Variants in ZNF230 observed in about 807,000 individuals in gnomAD.
The protein encoded by ZNF230 is zinc finger protein 230.
ZNF230 carries 12 observed loss-of-function variants against 10.0 expected under a neutral mutation model. The ratio of observed to expected loss-of-function variants is 1.20; its 90% CI spans 0.77 to 1.95. The LOEUF (loss-of-function observed/expected upper bound fraction) is 1.95, where lower values mean the gene tolerates loss of function less well. Among genes scored for constraint, ZNF230 ranks in the 30% most tolerant of loss-of-function variants. The pLI, the probability that ZNF230 is intolerant of heterozygous loss-of-function variation, is 0.00. For synonymous variants in ZNF230, 174 were observed against 193.6 expected (o/e 0.90, Z 0.84); for missense variants, 532 against 565.8 (o/e 0.94, Z 0.61).
At chr19:44,004,732 AAAAAAAAAAAAAAG>A (rs1341413684) in intron 1 of ZNF230, 1 of 151,430 alleles carries the variant, frequency 6.6e-6, no homozygotes, top group Non-Finnish European at 1.5e-5. Context: ...ACTCAAAAAA[AAAAAAAAAAAAAAG>A]AATAAACTAG....
At position 44,011,362 on chromosome 19, in the gene ZNF230, C is replaced by A. The variant is rs12753; in HGVS notation, c.1323C>A (p.Asp441Glu). The A allele has an allele frequency of 0.16, 262,628 of 1,613,914 alleles. 22,642 individuals are homozygous for A. Among genetic ancestry groups the A allele is most frequent in the Admixed American group, 0.29 (17,135 of 60,010 alleles). ...HRSFCKDQQG[D>E]HNGENSSKCE... ...CTTTCTGTAAAGACCAACAAGGAGA[C>A]CACAATGGAGAAAACTCATCCAAAT... Residue 441 changes from aspartate (D) to glutamate (E), a missense_variant, in exon 5 of 5, where the codon GAC (aspartate) becomes GAA (glutamate). By Grantham distance (45) the Asp-to-Glu change is conservative (BLOSUM62 2). Transcript: ENST00000429154.
At chr19:44,009,235 C>T in intron 4 of ZNF230, 65 bp downstream of exon 4, 3 of 1,539,524 alleles carry the variant, frequency 1.9e-6, no homozygotes, top group Non-Finnish European at 2.7e-6. Context: ...TACTTCTGAC[C>T]ATGCCCACTT....
chr19:44,010,460 C>A lies in ZNF230; in HGVS notation c.421C>A (p.Gln141Lys). 1 of 1,614,228 alleles carries A rather than the reference C, an allele frequency of 6.2e-7. No individual in the cohort carries two copies. The highest frequency in any genetic ancestry group is 8.5e-7 in the Non-Finnish European group (1 of 1,180,036). Residue 141 changes from glutamine (Q) to lysine (K), a missense_variant, in exon 5 of 5, where the codon CAG becomes AAG. Physicochemically the swap from Gln to Lys is moderately conservative, Grantham distance 53. Coordinates refer to ENST00000429154, the MANE Select transcript of ZNF230 (RefSeq NM_006300.4). ...AATTCATACAGGACAGAAACCTTCA[C>A]AGAATGGGAAGTGTAAACAGTCCTT... Reference protein sequence around the residue: ...SIIHTGQKPSQNGKCKQSFSD... With the variant: ...SIIHTGQKPSKNGKCKQSFSD...
Position 44,010,873 on chromosome 19 carries a change from G to T in ZNF230, c.834G>T (p.Lys278Asn). The T allele has an allele frequency of 6.2e-7, 1 of 1,614,186 alleles. No homozygotes were observed. Reference sequence around the variant, plus strand: ...ATCAGATAATTCATACTGGGGAGAAGCCGTTCAAATGTGAAATATGTGGTA... The same window carrying T: ...ATCAGATAATTCATACTGGGGAGAATCCGTTCAAATGTGAAATATGTGGTA... ...QKHQIIHTGE[K>N]PFKCEICGKS... is the part of the protein sequence containing the mutation. The change falls in exon 5 of 5, where the codon AAG becomes AAT. Residue 278 changes from lysine to asparagine, a missense_variant. By Grantham distance (94) the Lys-to-Asn change is moderately conservative. Coordinates refer to ENST00000429154, the MANE Select transcript of ZNF230 (RefSeq NM_006300.4).
chr19:44,012,292 C>A lies in ZNF230; in HGVS notation c.*828C>A, dbSNP rs894205118. On this transcript the variant is annotated 3_prime_UTR_variant, in exon 5 of 5. Coordinates refer to ENST00000429154, the MANE Select transcript of ZNF230 (RefSeq NM_006300.4). ...GTCTCTGCTCAGTTGTCTATAATCT[C>A]ATTTGAGAGTTCACAAAGGGGCAAA... 6.4e-6 allele frequency: 3 copies of A among 468,190 alleles called. No individual in the cohort carries two copies. Among genetic ancestry groups the A allele is most frequent in the African/African-American group, 2.0e-5 (1 of 50,488 alleles). 29.0% of individuals were successfully genotyped at this position (468,190 alleles called of 1,614,324 possible).
At position 44,007,058 on chromosome 19, in the gene ZNF230, C is replaced by G. The variant is rs1462553211; in HGVS notation, c.-21C>G. On this transcript the variant is annotated 5_prime_UTR_variant, in exon 2 of 5. Transcript: ENST00000429154. ...GCTCCATTACTCAAGACACTGAAGA[C>G]TCCAAAAAGTAGTAGGAAAAATGAC... The G allele has an allele frequency of 6.2e-7, 1 of 1,601,334 alleles. No homozygotes were observed. Among genetic ancestry groups the G allele is most frequent in the Non-Finnish European group, 8.6e-7 (1 of 1,169,146 alleles).
rs769092095 is a variant in ZNF230, at chr19:44,008,943, T to C, written c.142+27T>C. The C allele has an allele frequency of 1.7e-5, 27 of 1,612,236 alleles. No homozygotes were observed. In the Admixed American group the frequency reaches 3.7e-4, roughly 22 times the overall value. On this transcript the variant is annotated intron_variant, in intron 3 of 4. Coordinates refer to ENST00000429154, the MANE Select transcript of ZNF230 (RefSeq NM_006300.4). ...TGAGCACAGGCACCCTCTGTAATGG[T>C]ACATCAGGCCTCAGGAGTGGCTTTG...
In ZNF230 at chr19:44,010,383, ACTT is replaced by A. The variant is rs1480728718; in HGVS notation, c.348_350del (p.Phe117del). 6.2e-7 allele frequency: 1 copy of A among 1,613,522 alleles called. No individual in the cohort carries two copies. ...CAAGACTCCATCATAAATAATTCTC[ACTT>A]CTTTGAACAAGGTGATGTCCCCTCC... is the stretch of plus-strand genomic sequence containing the variant. On this transcript the variant is annotated inframe_deletion, in exon 5 of 5. Transcript: ENST00000429154.
In ZNF230 at chr19:44,012,410, G is replaced by A. The variant is rs1976195489; in HGVS notation, c.*946G>A. 1 of 519,002 alleles carries A rather than the reference G, an allele frequency of 1.9e-6. No individual in the cohort carries two copies. The highest frequency in any genetic ancestry group is 1.4e-5 in the South Asian group (1 of 71,584). The allele number at this position is 519,002 out of a possible 1,614,324, so 32.1% of individuals were successfully genotyped here. On this transcript the variant is annotated 3_prime_UTR_variant, in exon 5 of 5. Coordinates refer to ENST00000429154, the MANE Select transcript of ZNF230 (RefSeq NM_006300.4). ...CTGATAATATATTTCATCCAGGCTT[G>A]TAGGACAGAAAACATTTGTTTAAGT...
chr19:44,010,343 G>A lies in ZNF230; in HGVS notation c.304G>A (p.Asp102Asn), dbSNP rs1291843074. Residue 102 changes from aspartate to asparagine, a missense_variant, in exon 5 of 5, where the codon GAC (aspartate) becomes AAC (asparagine). Asp to Asn is a conservative substitution (Grantham distance 23). Coordinates refer to ENST00000429154, the MANE Select transcript of ZNF230 (RefSeq NM_006300.4). ...GCAAATCTGGGAACAAACTGCAAGT[G>A]ACTTAACCCAGTCTCAAGACTCCAT... ...CQQIWEQTASDLTQSQDSIIN... is the reference protein window; with the variant it reads ...CQQIWEQTASNLTQSQDSIIN... 6.2e-7 allele frequency: 1 copy of A among 1,614,090 alleles called. No homozygotes were observed. Among genetic ancestry groups the A allele is most frequent in the East Asian group, 2.2e-5 (1 of 44,900 alleles).
At position 44,011,536 on chromosome 19, in the gene ZNF230, T is replaced by C; in HGVS notation, c.*72T>C. 7.3e-7 allele frequency: 1 copy of C among 1,373,600 alleles called. No individual in the cohort carries two copies. Among genetic ancestry groups the C allele is most frequent in the South Asian group, 1.4e-5 (1 of 73,544 alleles). 85.1% of individuals were successfully genotyped at this position (1,373,600 alleles called of 1,614,324 possible). ...ATAATACGTAATGATCAAATTGATG[T>C]AATTAGTGTATTACCTTAAACAATT... On this transcript the variant is annotated 3_prime_UTR_variant, in exon 5 of 5. Transcript: ENST00000429154.
In ZNF230 at chr19:44,008,923, ACAGGCACCCTCTGTAATGGTACAT is replaced by A. The variant is rs1233853952; in HGVS notation, c.142+13_142+36del. Reference sequence around the variant, plus strand: ...ACGAACCTGCTGTCAGTGGGTGAGCACAGGCACCCTCTGTAATGGTACATCAGGCCTCAGGAGTGGCTTTGTATC... The same window carrying A: ...ACGAACCTGCTGTCAGTGGGTGAGCACAGGCCTCAGGAGTGGCTTTGTATC... On this transcript the variant is annotated splice_region_variant and intron_variant, in intron 3 of 4. Transcript: ENST00000429154. 3 of 1,613,468 alleles carry A rather than the reference ACAGGCACCCTCTGTAATGGTACAT, an allele frequency of 1.9e-6. No homozygotes were observed. The African/African-American group carries it at 4.0e-5, about 22-fold the overall frequency.
rs1976212636 is a variant in ZNF230 at position 44,013,727 on chromosome 19, T to A, written c.*2263T>A. On this transcript the variant is annotated 3_prime_UTR_variant, in exon 5 of 5. Coordinates refer to ENST00000429154, the MANE Select transcript of ZNF230 (RefSeq NM_006300.4). ...ACTTTTTAATGTGTATATACGTAAT[T>A]TGTGAACAACTATTCTTTCCTCTGG... The A allele has an allele frequency of 6.6e-6, 1 of 152,190 alleles. No individual in the cohort carries two copies. Among genetic ancestry groups the A allele is most frequent in the African/African-American group, 2.4e-5 (1 of 41,440 alleles). 9.4% of individuals were successfully genotyped at this position (152,190 alleles called of 1,614,324 possible). A position where few individuals can be genotyped will look rare whatever the true frequency, so the allele number is the denominator to read the frequency against.
chr19:44,007,113 C>T lies in ZNF230; in HGVS notation c.15+20C>T, dbSNP rs1976131166. 1 of 1,602,600 alleles carries T rather than the reference C, an allele frequency of 6.2e-7. No homozygotes were observed. The highest frequency in any genetic ancestry group is 8.5e-7 in the Non-Finnish European group (1 of 1,171,734). On this transcript the variant is annotated intron_variant, in intron 2 of 4. Transcript: ENST00000429154. The stretch of plus-strand genomic sequence containing the variant: ...TTCAAGGTGAGTAGAGCTCACCTCT[C>T]TTGCTATTAAAATTCCATCTTATTG...
chr19:44,008,573 C>G (rs1196061257), intron 2 of ZNF230, among the ~76,000 whole-genome samples: 1 of 152,160 alleles, frequency 6.6e-6, no homozygotes, highest in Non-Finnish European at 1.5e-5. Flanking sequence ...GGGTTACTTA[C>G]AAGGAGACTC....
chr19:44,009,488 C>T (rs59897069), intron 4 of ZNF230, among the ~76,000 whole-genome samples: 1,632 of 99,416 alleles, frequency 0.016, 33 homozygotes, highest in African/African-American at 0.043. Flanking sequence ...GTTCTTCATC[C>T]CCTGCTGCCT....
intron 1 of ZNF230, among the ~76,000 whole-genome samples, chr19:44,005,782 G>T (rs1402470390): frequency 6.6e-6 from 1 of 152,114 alleles, no homozygotes; most frequent in South Asian, 2.1e-4. Context: ...CCTGCTACTT[G>T]GGAGGCTAAG....
Position 44,009,456 on chromosome 19 carries a change from G to A in ZNF230, c.229+286G>A. On this transcript the variant is annotated intron_variant, in intron 4 of 4. Coordinates refer to ENST00000429154, the MANE Select transcript of ZNF230 (RefSeq NM_006300.4). ...TATTAAAGTTACAACCTCTTTATTGGCTTTTAGAGACCCTGAGGTTTGTTC... is the reference window on the plus strand; with the variant it reads ...TATTAAAGTTACAACCTCTTTATTGACTTTTAGAGACCCTGAGGTTTGTTC... 9 of 518,004 alleles carry A rather than the reference G, an allele frequency of 1.7e-5. No homozygotes were observed. In the South Asian group the frequency reaches 2.5e-4, roughly 14 times the overall value. 32.1% of individuals were successfully genotyped at this position (518,004 alleles called of 1,614,324 possible).
At chr19:44,008,668 A>G (rs1173589786) in intron 2 of ZNF230, 122 bp from the exon 3 acceptor site, 1 of 1,238,432 alleles carries the variant, frequency 8.1e-7, no homozygotes, top group African/African-American at 1.5e-5. Context: ...GTCAGGATAC[A>G]GACAGAATGA....
Sources: gnomAD v4.1 joint callset for allele counts (sites outside exome capture counted in the v4.1 genomes callset) on GRCh38, gnomAD v4.1.1 for gene constraint, MANE v1.5 for transcripts, NCBI Gene and HGNC (gene_info 2026-07-23, HGNC 2026-07-21) for gene names.